The following CLIC5 variants were observed in gnomAD, a reference collection of about 807,000 sequenced individuals.
CLIC5 encodes chloride intracellular channel protein 5.
In CLIC5, 20 loss-of-function variants were observed where a neutral mutation model predicts 24.7. The observed-to-expected ratio is 0.81, with a 90% confidence interval of 0.57 to 1.18. The LOEUF (loss-of-function observed/expected upper bound fraction) is 1.18. Ranked by LOEUF, CLIC5 falls within the 50% of genes most tolerant of loss-of-function variation. CLIC5 has a pLI of 0.00. For synonymous variants in CLIC5, 159 were observed against 135.6 expected (o/e 1.17, Z -1.20); for missense variants, 341 against 326.1 (o/e 1.05, Z -0.35).
At chr6:46,106,350 C>T in the CLIC5 span, among the ~76,000 whole-genome samples, 22 of 152,202 alleles carry the variant, frequency 1.4e-4, no homozygotes, top group Non-Finnish European at 2.9e-4. Flanking sequence ...TTGTGATCCA[C>T]CTGCCTCAGC....
chr6:46,014,727 A>G (rs1440422412), intron 1 of CLIC5: 1 of 152,242 alleles, frequency 6.6e-6, no homozygotes, highest in Non-Finnish European at 1.5e-5. Flanking sequence ...ACAGGTTGCA[A>G]ATAAAGTACA....
At chr6:46,018,596 C>A (rs1036572278), upstream of CLIC5, 1 of 152,118 alleles carries the variant, frequency 6.6e-6, no homozygotes, top group African/African-American at 2.4e-5. Context: ...TACTTTGTAC[C>A]CTTTAATGTT....
chr6:45,961,741 C>T (rs372177751), intron 1 of CLIC5, among the ~76,000 whole-genome samples: 3 of 151,956 alleles, frequency 2.0e-5, no homozygotes, highest in African/African-American at 7.3e-5. Flanking sequence ...GGTACGTGGT[C>T]CACATGAGGA....
At chr6:46,090,152 T>C in the CLIC5 span, among the ~76,000 whole-genome samples, 2 of 152,234 alleles carry the variant, frequency 1.3e-5, no homozygotes, top group South Asian at 4.1e-4. Flanking sequence ...CAGATGTCTA[T>C]AATTGAAGCT....
intron 5 of CLIC5, chr6:45,912,816 G>T: frequency 2.0e-6 from 2 of 1,021,734 alleles, no homozygotes; most frequent in South Asian, 2.7e-5. Context: ...AGATTGGCTG[G>T]ACCTACAAGT....
intron 3 of CLIC5, 54 bp downstream of exon 3, chr6:45,949,202 G>T: frequency 1.9e-6 from 3 of 1,572,132 alleles, no homozygotes; most frequent in Non-Finnish European, 2.6e-6. Context: ...GGACTTTATA[G>T]ATCCAGCATG....
intron 1 of CLIC5, among the ~76,000 whole-genome samples, chr6:46,042,824 C>T (rs981056382): frequency 2.0e-5 from 3 of 152,132 alleles, no homozygotes; most frequent in African/African-American, 7.2e-5. Flanking sequence ...GGTCACCCTG[C>T]TAACCATTGG....
At chr6:45,996,408 T>C (rs1024821784) in intron 1 of CLIC5, among the ~76,000 whole-genome samples, 2 of 152,204 alleles carry the variant, frequency 1.3e-5, no homozygotes, top group Non-Finnish European at 2.9e-5. Flanking sequence ...GTTTTAGACA[T>C]GAAGTCCTTG....
At chr6:46,035,675 T>C (rs1194269927) in intron 1 of CLIC5, among the ~76,000 whole-genome samples, 1 of 152,190 alleles carries the variant, frequency 6.6e-6, no homozygotes, top group Admixed American at 6.5e-5. Context: ...TAAAGGACAA[T>C]AGTTTGACTG....
At chr6:46,071,717 C>T (rs1207678228) in intron 1 of CLIC5, among the ~76,000 whole-genome samples, 2 of 152,070 alleles carry the variant, frequency 1.3e-5, no homozygotes, top group African/African-American at 2.4e-5. Context: ...ACCCTTCTAC[C>T]CAGCAATCTC....
intron 1 of CLIC5, among the ~76,000 whole-genome samples, chr6:45,966,455 A>G (rs1036553297): frequency 6.6e-6 from 1 of 152,154 alleles, no homozygotes; most frequent in African/African-American, 2.4e-5. Context: ...AGGACTGACA[A>G]CTTCTGACCT....
the CLIC5 span, among the ~76,000 whole-genome samples, chr6:46,088,613 ATT>A: frequency 1.2e-4 from 18 of 152,210 alleles, no homozygotes; most frequent in African/African-American, 4.1e-4. Context: ...AAGTATCTAT[ATT>A]TTTAAAATTG....
chr6:46,110,418 G>C, the CLIC5 span, among the ~76,000 whole-genome samples: 3 of 152,184 alleles, frequency 2.0e-5, no homozygotes, highest in African/African-American at 7.2e-5. Flanking sequence ...CTATTTGTGA[G>C]TATTTTTAAT....
rs28540717 is a variant in CLIC5, at chr6:46,050,853, A to G, written c.540+28850T>C. On this transcript the variant is annotated intron_variant, in intron 1 of 5. Transcript: ENST00000185206. ...TATTTAAGGTATAAAGTGTGTGTGT[A>G]TGTGTGTGTGTGTGTGTGTGTGTGC... is the stretch of plus-strand genomic sequence containing the variant. Among the ~76,000 whole-genome samples the G allele has an allele frequency of 9.4e-5, 14 of 148,564 alleles. No individual in the cohort carries two copies. In the South Asian group the frequency reaches 1.1e-3, roughly 12 times the overall value.
Position 46,047,346 on chromosome 6 carries a change from G to C in CLIC5, c.540+32357C>G, listed in dbSNP as rs1034714141. 4.5e-4 allele frequency among the ~76,000 whole-genome samples: 68 copies of C among 152,176 alleles called. 1 individual carries two copies. The highest frequency in any genetic ancestry group is 8.8e-5 in the Non-Finnish European group (6 of 68,036). ...TAATACTCTTGATGCCCATTGTGCTGACTTCACTCAGGTCATGACCCAAAG... is the reference window on the plus strand; with the variant it reads ...TAATACTCTTGATGCCCATTGTGCTCACTTCACTCAGGTCATGACCCAAAG... On this transcript the variant is annotated intron_variant, in intron 1 of 5. Transcript: ENST00000185206.
chr6:45,905,467 T>C (rs1762632162), intron 5 of CLIC5, among the ~76,000 whole-genome samples: 1 of 146,412 alleles, frequency 6.8e-6, no homozygotes, highest in Non-Finnish European at 1.5e-5. Context: ...CTCTGGTGAC[T>C]GGTGATACTG....
At chr6:45,930,313 C>T (rs752377603) in intron 4 of CLIC5, among the ~76,000 whole-genome samples, 4 of 151,960 alleles carry the variant, frequency 2.6e-5, no homozygotes, top group Non-Finnish European at 5.9e-5. Flanking sequence ...TGTAAAGACT[C>T]GAGATTGTAG....
At chr6:46,016,087 C>T (rs1581866574), upstream of CLIC5, among the ~76,000 whole-genome samples, 1 of 129,452 alleles carries the variant, frequency 7.7e-6, no homozygotes, top group South Asian at 2.6e-4. Context: ...CAGAAAGAGT[C>T]GAGGAGAAGG....
At chr6:45,990,147 T>G (rs1393795589) in intron 1 of CLIC5, among the ~76,000 whole-genome samples, 1 of 152,212 alleles carries the variant, frequency 6.6e-6, no homozygotes, top group Non-Finnish European at 1.5e-5. Flanking sequence ...TATTCAAATA[T>G]TCTTTTTAGG....
Sources: allele counts gnomAD v4.1 joint callset (sites outside exome capture counted in the v4.1 genomes callset), GRCh38; gene constraint gnomAD v4.1.1; transcripts MANE v1.5; gene names NCBI Gene and HGNC (gene_info 2026-07-23, HGNC 2026-07-21).